Variants in NTM observed in about 807,000 individuals in gnomAD.
NTM encodes IgLON family member 2.
NTM carries 13 observed loss-of-function variants against 42.1 expected under a neutral mutation model. The observed-to-expected ratio is 0.31, with a 90% CI of 0.20 to 0.49. The LOEUF (loss-of-function observed/expected upper bound fraction) is 0.49, where lower values mean the gene tolerates loss of function less well. NTM is among the 20% of genes least tolerant of loss of function. The pLI is 0.99. For missense variants in NTM, 373 were observed against 452.8 expected (o/e 0.82, Z 1.60); for synonymous variants, 187 against 179.2 (o/e 1.04, Z -0.35).
chr11:132,210,673 C>T (rs2082692072), intron 3 of NTM, among the ~76,000 whole-genome samples: 1 of 152,146 alleles, frequency 6.6e-6, no homozygotes, highest in Admixed American at 6.5e-5. Flanking sequence ...AAAGCTGAGA[C>T]TGGAGAATTA....
intron 1 of NTM, among the ~76,000 whole-genome samples, chr11:131,615,888 G>A (rs2061881683): frequency 6.6e-6 from 1 of 152,244 alleles, no homozygotes; most frequent in Non-Finnish European, 1.5e-5. Context: ...GTTGAGGCCA[G>A]TGAACACGGC....
intron 1 of NTM, among the ~76,000 whole-genome samples, chr11:131,630,458 C>CT (rs11450257): frequency 0.85 from 129,250 of 152,056 alleles, 55,028 homozygotes; most frequent in African/African-American, 0.87. Context: ...CTCAGTGTTT[C>CT]TTTTTTGCAT....
intron 4 of NTM, among the ~76,000 whole-genome samples, chr11:132,301,160 G>A (rs1565424711): frequency 1.3e-5 from 2 of 152,300 alleles, no homozygotes; most frequent in African/African-American, 2.4e-5. Context: ...TACAATCAGG[G>A]CAGAAGGGGA....
chr11:131,808,807 G>A lies in NTM; in HGVS notation c.83-102757G>A, dbSNP rs185705358. On this transcript the variant is annotated intron_variant, in intron 1 of 8. Transcript: ENST00000683400. The stretch of plus-strand genomic sequence containing the variant: ...GGCTGGAAAGAGAGAAAGGAGTCAA[G>A]TACGTAGAAGCATGCCCGTGCACAC... Among the ~76,000 whole-genome samples the A allele has an allele frequency of 1.7e-3, 252 of 152,340 alleles. 1 individual carries two copies. The highest frequency in any genetic ancestry group is 3.1e-3 in the Admixed American group (48 of 15,308).
At chr11:132,332,142 A>G (rs1356331517) in intron 8 of NTM, 1 of 152,238 alleles carries the variant, frequency 6.6e-6, no homozygotes, top group Non-Finnish European at 1.5e-5. Flanking sequence ...ATTGGTGAAC[A>G]TTTTTGGGAA....
At chr11:131,388,219 G>A (rs1466708150) in intron 1 of NTM, among the ~76,000 whole-genome samples, 3 of 152,056 alleles carry the variant, frequency 2.0e-5, no homozygotes, top group Non-Finnish European at 4.4e-5. Context: ...TTAAGCCACC[G>A]GGACAGAGGA....
At chr11:132,227,975 A>C (rs1309420649) in intron 4 of NTM, among the ~76,000 whole-genome samples, 1 of 152,174 alleles carries the variant, frequency 6.6e-6, no homozygotes, top group East Asian at 1.9e-4. Flanking sequence ...CTCAATATTT[A>C]ACCCTGCATG....
At chr11:131,432,836 ATTC>A (rs1565494757) in intron 1 of NTM, among the ~76,000 whole-genome samples, 51 of 87,396 alleles carry the variant, frequency 5.8e-4, no homozygotes, top group African/African-American at 2.2e-3. Context: ...AAGATTTAGC[ATTC>A]TTTTTTTTTT....
At chr11:132,322,259 T>C (rs2095586469) in intron 7 of NTM, among the ~76,000 whole-genome samples, 1 of 152,032 alleles carries the variant, frequency 6.6e-6, no homozygotes, top group African/African-American at 2.4e-5. Flanking sequence ...TCAAGACCCA[T>C]CAGTGTGCTG....
At chr11:132,333,567 G>A (rs1327316681) in intron 8 of NTM, among the ~76,000 whole-genome samples, 3 of 152,140 alleles carry the variant, frequency 2.0e-5, no homozygotes, top group Admixed American at 6.5e-5. Context: ...CTTTACAGGA[G>A]TGCTCCTTGG....
chr11:132,307,862 A>C (rs1300458792), intron 5 of NTM, 39 bp downstream of exon 5: 1 of 1,601,208 alleles, frequency 6.2e-7, no homozygotes. Context: ...CACGTGCATC[A>C]GGCTGGCCTG....
At chr11:131,589,589 C>T (rs1420548599) in intron 1 of NTM, among the ~76,000 whole-genome samples, 1 of 152,148 alleles carries the variant, frequency 6.6e-6, no homozygotes, top group Non-Finnish European at 1.5e-5. Context: ...AACCCCAAAT[C>T]ATTATTTGTT....
chr11:131,502,564 G>A (rs1591848353), intron 1 of NTM, among the ~76,000 whole-genome samples: 1 of 152,260 alleles, frequency 6.6e-6, no homozygotes, highest in East Asian at 1.9e-4. Context: ...GTGCAAGAGA[G>A]TGAGGAGTCG....
Position 132,177,582 on chromosome 11 carries a change from A to G in NTM, c.400+31068A>G, listed in dbSNP as rs191749276. Among the ~76,000 whole-genome samples the G allele has an allele frequency of 2.9e-3, 441 of 152,328 alleles. No homozygotes were observed. The Middle Eastern group carries it at 0.034, about 12-fold the overall frequency. ...TCAGATGAAATACATAACATTTTAG[A>G]AGATGACTGATTTTTTCCTAACAAG... On this transcript the variant is annotated intron_variant, in intron 3 of 8. Transcript: ENST00000683400.
chr11:132,334,994 TTTCCTTCCA>T, intron 8 of NTM, 43 bp from the exon 9 acceptor site: 1 of 1,590,236 alleles, frequency 6.3e-7, no homozygotes. Context: ...ACCACCGGGC[TTTCCTTCCA>T]TTTTCTCCCA....
chr11:131,936,087 G>C (rs951270616), intron 2 of NTM, among the ~76,000 whole-genome samples: 1 of 152,142 alleles, frequency 6.6e-6, no homozygotes, highest in Non-Finnish European at 1.5e-5. Flanking sequence ...AATTGGTGTT[G>C]AGAGTGATGG....
chr11:132,144,960 G>C (rs187656676), intron 2 of NTM, among the ~76,000 whole-genome samples: 1 of 152,354 alleles, frequency 6.6e-6, no homozygotes, highest in East Asian at 1.9e-4. Context: ...AGGATGCACA[G>C]TACAGGATGT....
chr11:131,822,366 T>C (rs2093225009), intron 1 of NTM, among the ~76,000 whole-genome samples: 1 of 152,178 alleles, frequency 6.6e-6, no homozygotes, highest in Admixed American at 6.5e-5. Context: ...AGGAATAGAA[T>C]TGTTAAAAAC....
chr11:131,529,554 C>T (rs1291948104), intron 1 of NTM, among the ~76,000 whole-genome samples: 1 of 152,148 alleles, frequency 6.6e-6, no homozygotes, highest in African/African-American at 2.4e-5. Flanking sequence ...CAAGGCTCTC[C>T]AGGGAAAATG....
Sources: gnomAD v4.1 joint callset for allele counts (sites outside exome capture counted in the v4.1 genomes callset) on GRCh38, gnomAD v4.1.1 for gene constraint, MANE v1.5 for transcripts, NCBI Gene and HGNC (gene_info 2026-07-23, HGNC 2026-07-21) for gene names.